AMPD2: variants seen among roughly 807,000 people sequenced by gnomAD.
AMPD2 encodes the protein adenosine monophosphate deaminase 2.
A neutral mutation model predicts 91.3 loss-of-function variants in AMPD2; 52 were observed. The observed-to-expected ratio is 0.57, with a 90% CI of 0.46 to 0.72. The LOEUF (loss-of-function observed/expected upper bound fraction) is 0.72. Among genes scored for constraint, AMPD2 ranks in the 30% least tolerant of loss-of-function variants. AMPD2 has a pLI of 0.00. For synonymous variants in AMPD2, 455 were observed against 456.4 expected (o/e 1.00, Z 0.04); for missense variants, 822 against 1,122.3 (o/e 0.73, Z 3.82).
intron 2 of AMPD2, 82 bp downstream of exon 2, chr1:109,621,348 G>A: frequency 6.8e-7 from 1 of 1,470,172 alleles, no homozygotes. Context: ...TCCCCTCAGA[G>A]GGGGCCACCT....
intron 2 of AMPD2, among the ~76,000 whole-genome samples, chr1:109,622,747 A>AC (rs999930264): frequency 6.6e-6 from 1 of 150,994 alleles, no homozygotes; most frequent in African/African-American, 2.4e-5. Flanking sequence ...GGAGCCTGAG[A>AC]CCCCCCTGCT....
At position 109,628,711 on chromosome 1, in the gene AMPD2, C is replaced by T. The variant is rs1420686033; in HGVS notation, c.1476C>T (p.Arg492=). The change falls in exon 13 of 19, where the codon CGC becomes CGT. Residue 492 remains arginine, a synonymous_variant. Coordinates refer to ENST00000528667, the MANE Select transcript of AMPD2 (RefSeq NM_001368809.2). The surrounding 1 kb of genome is among the most constrained non-coding windows in gnomAD (Gnocchi z 7.1). ...AGCTGCGGCTCTCCATTTACGGGCGCTCGAGGGATGAGTGGGACAAGCTGG... is the reference window on the plus strand; with the variant it reads ...AGCTGCGGCTCTCCATTTACGGGCGTTCGAGGGATGAGTGGGACAAGCTGG... ...NAELRLSIYG[R]SRDEWDKLAR... The T allele has an allele frequency of 3.1e-6, 5 of 1,612,968 alleles. No individual in the cohort carries two copies. Among genetic ancestry groups the T allele is most frequent in the Non-Finnish European group, 3.4e-6 (4 of 1,179,556 alleles).
In AMPD2 at chr1:109,626,313, C is replaced by T; in HGVS notation, c.423-6C>T. ...TAAACCCCTCCCTTGAATGCACCCCCTGCAGGCTCTACAAGGAACAGGGTG... is the reference window on the plus strand; with the variant it reads ...TAAACCCCTCCCTTGAATGCACCCCTTGCAGGCTCTACAAGGAACAGGGTG... On this transcript the variant is annotated splice_region_variant and splice_polypyrimidine_tract_variant and intron_variant, in intron 5 of 18. Transcript: ENST00000528667. 1 of 1,613,702 alleles carries T rather than the reference C, an allele frequency of 6.2e-7. No homozygotes were observed. Among genetic ancestry groups the T allele is most frequent in the Non-Finnish European group, 8.5e-7 (1 of 1,179,724 alleles).
Position 109,631,180 on chromosome 1 carries a change from C to A in AMPD2, c.*28C>A. 3 of 1,551,700 alleles carry A rather than the reference C, an allele frequency of 1.9e-6. No individual in the cohort carries two copies. Among genetic ancestry groups the A allele is most frequent in the Non-Finnish European group, 2.6e-6 (3 of 1,145,034 alleles). On this transcript the variant is annotated 3_prime_UTR_variant, in exon 19 of 19. Coordinates refer to ENST00000528667, the MANE Select transcript of AMPD2 (RefSeq NM_001368809.2). ...CTGGTCCATGAAGTGCCCACCACAT[C>A]GCAGCACTTTTACCACGTTTTGTCC...
intron 6 of AMPD2, 43 bp from the exon 7 acceptor site, chr1:109,626,683 G>T: frequency 6.3e-7 from 1 of 1,582,236 alleles, no homozygotes; most frequent in Non-Finnish European, 8.6e-7. Flanking sequence ...GGAGGTCTCT[G>T]AGTCCAAGAC....
chr1:109,625,238 C>A lies in AMPD2; in HGVS notation c.92-65C>A. 8 of 1,582,050 alleles carry A rather than the reference C, an allele frequency of 5.1e-6. No individual in the cohort carries two copies. The South Asian group carries it at 8.0e-5, about 16-fold the overall frequency. Reference sequence around the variant, plus strand: ...CTCTCGGGAGCTGGCCTAGGCAGGGCAGGGGCCCAGGGCTTTCAGGGGCTG... The same window carrying A: ...CTCTCGGGAGCTGGCCTAGGCAGGGAAGGGGCCCAGGGCTTTCAGGGGCTG... On this transcript the variant is annotated intron_variant, in intron 2 of 18. Coordinates refer to ENST00000528667, the MANE Select transcript of AMPD2 (RefSeq NM_001368809.2). This position sits in a 1 kb window ranked among gnomAD's most constrained non-coding sequence, Gnocchi z 4.0.
In AMPD2 at chr1:109,630,976, A is replaced by C. The variant is rs537673580; in HGVS notation, c.2302A>C (p.Lys768Gln). 3.5e-5 allele frequency: 57 copies of C among 1,614,086 alleles called. No homozygotes were observed. Among genetic ancestry groups the C allele is most frequent in the Non-Finnish European group, 2.8e-5 (33 of 1,180,016 alleles). The change falls in exon 19 of 19, where the codon AAG becomes CAG. Residue 768 changes from lysine (K) to glutamine (Q), a missense_variant. This residue lies in a region of AMPD2 where 430 missense variants were observed against 606.0 expected (regional missense o/e 0.71). Coordinates refer to ENST00000528667, the MANE Select transcript of AMPD2 (RefSeq NM_001368809.2). The part of the protein sequence containing the change: ...KSHWLGPNYT[K>Q]EGPEGNDIRR... ...CCACTGGCTGGGACCCAACTATACC[A>C]AGGAAGGCCCTGAGGGGAATGACAT...
At position 109,631,172 on chromosome 1, in the gene AMPD2, C is replaced by CACCA. The variant is rs140170547; in HGVS notation, c.*21_*24dup. ...CAATGAGCCTGGTCCATGAAGTGCC[C>CACCA]ACCACATCGCAGCACTTTTACCACG... On this transcript the variant is annotated 3_prime_UTR_variant, in exon 19 of 19. Transcript: ENST00000528667. 6.5e-4 allele frequency: 1,018 copies of CACCA among 1,557,748 alleles called. 7 individuals carry two copies. The African/African-American group carries it at 9.0e-3, about 14-fold the overall frequency.
At chr1:109,623,580 G>C (rs776791816) in intron 2 of AMPD2, among the ~76,000 whole-genome samples, 4 of 152,176 alleles carry the variant, frequency 2.6e-5, no homozygotes, top group Non-Finnish European at 4.4e-5. Context: ...GCCATAATCA[G>C]GGCCCAGAGG....
At chr1:109,629,708 A>T in intron 15 of AMPD2, 88 bp from the exon 16 acceptor site, 1 of 1,486,290 alleles carries the variant, frequency 6.7e-7, no homozygotes, top group Non-Finnish European at 8.9e-7. Context: ...TGGCTGGAGG[A>T]CATATGCGTG....
At chr1:109,627,341 G>T in intron 8 of AMPD2, 25 bp downstream of exon 8, 10 of 1,610,852 alleles carry the variant, frequency 6.2e-6, no homozygotes, top group South Asian at 3.3e-5. Context: ...GTGCATGTTG[G>T]GGGGATGCAG....
In AMPD2 at chr1:109,625,583, T is replaced by G. The variant is rs1337392761; in HGVS notation, c.223-79T>G. On this transcript the variant is annotated intron_variant, in intron 3 of 18. Coordinates refer to ENST00000528667, the MANE Select transcript of AMPD2 (RefSeq NM_001368809.2). This position sits in a 1 kb window ranked among gnomAD's most constrained non-coding sequence, Gnocchi z 4.0. ...CCAGGTACCCCTGGTCCTGCTGCCC[T>G]CACCCCATCCCCAGACTCTGTAGGA... The G allele has an allele frequency of 1.9e-6, 3 of 1,599,848 alleles. No homozygotes were observed. Among genetic ancestry groups the G allele is most frequent in the Non-Finnish European group, 1.7e-6 (2 of 1,169,720 alleles).
rs1650908635 is a variant in AMPD2, at chr1:109,628,429, C to T, written c.1341C>T (p.Val447=). 1.2e-6 allele frequency: 2 copies of T among 1,613,812 alleles called. No individual in the cohort carries two copies. Among genetic ancestry groups the T allele is most frequent in the Non-Finnish European group, 1.7e-6 (2 of 1,180,038 alleles). Residue 447 remains valine (V), a synonymous_variant, in exon 12 of 19, where the codon GTC becomes GTT. Transcript: ENST00000528667. The surrounding 1 kb of genome is among the most constrained non-coding windows in gnomAD (Gnocchi z 7.1). Reference sequence around the variant, plus strand: ...AATACAACCCTATTGGGGAGTCCGTCCTCCGAGAGATCTTCATCAAGACGG... The same window carrying T: ...AATACAACCCTATTGGGGAGTCCGTTCTCCGAGAGATCTTCATCAAGACGG... The part of the protein sequence containing the change: ...NAKYNPIGES[V]LREIFIKTDN...
rs746332433 is a variant in AMPD2, at chr1:109,627,794, G to T, written c.971G>T (p.Arg324Leu). 2 of 1,613,948 alleles carry T rather than the reference G, an allele frequency of 1.2e-6. No homozygotes were observed. The highest frequency in any genetic ancestry group is 1.7e-6 in the Non-Finnish European group (2 of 1,179,970). Reference sequence around the variant, plus strand: ...CCCAGAAAGTCATTCTGCTACCGCCGGCTGCAGTACCTGAGCTCCAAGTTC... The same window carrying T: ...CCCAGAAAGTCATTCTGCTACCGCCTGCTGCAGTACCTGAGCTCCAAGTTC... ...NGPIKSFCYR[R>L]LQYLSSKFQM... Residue 324 changes from arginine to leucine, a missense_variant, in exon 10 of 19, where the codon CGG becomes CTG. This residue lies in a region of AMPD2 where 37 missense variants were observed against 84.8 expected (regional missense o/e 0.44). Transcript: ENST00000528667.
intron 17 of AMPD2, 92 bp from the exon 18 acceptor site, chr1:109,630,591 C>A (rs978474133): frequency 1.2e-5 from 2 of 169,202 alleles, no homozygotes; most frequent in Admixed American, 2.6e-4. Flanking sequence ...GATGGGGGGG[C>A]GGGGGTGGGG....
In AMPD2 at chr1:109,630,463, G is replaced by A. The variant is rs767611162; in HGVS notation, c.2157+57G>A. The A allele has an allele frequency of 2.6e-6, 4 of 1,527,348 alleles. No homozygotes were observed. In the Admixed American group the frequency reaches 5.1e-5, roughly 19 times the overall value. 94.6% of individuals were successfully genotyped at this position (1,527,348 alleles called of 1,614,324 possible). A position where few individuals can be genotyped will look rare whatever the true frequency, so the allele number is the denominator to read the frequency against. On this transcript the variant is annotated intron_variant, in intron 17 of 18. Transcript: ENST00000528667. ...GCGTCCCAGGACGCTGGGGTCTCCC[G>A]GGTTGGGTGGGGGGCGGTGGGGGGG...
Position 109,627,183 on chromosome 1 carries a change from G to A in AMPD2, c.727G>A (p.Val243Met). 2 of 1,613,136 alleles carry A rather than the reference G, an allele frequency of 1.2e-6. No individual in the cohort carries two copies. The highest frequency in any genetic ancestry group is 1.7e-6 in the Non-Finnish European group (2 of 1,179,868). Reference protein sequence around the residue: ...PDTPVSADAPVHPPALEQHPY... With the variant: ...PDTPVSADAPMHPPALEQHPY... ...CCTCCTCACCCCTGCAGATGCCCCGGTGCACCCCCCTGCGCTGGAGCAGCA... is the reference window on the plus strand; with the variant it reads ...CCTCCTCACCCCTGCAGATGCCCCGATGCACCCCCCTGCGCTGGAGCAGCA... Residue 243 changes from valine to methionine, a missense_variant, in exon 8 of 19, where the codon GTG (valine) becomes ATG (methionine). This residue lies in a region of AMPD2 where 240 missense variants were observed against 270.3 expected (regional missense o/e 0.89). Coordinates refer to ENST00000528667, the MANE Select transcript of AMPD2 (RefSeq NM_001368809.2).
chr1:109,629,305 T>C, intron 14 of AMPD2, 22 bp from the exon 15 acceptor site: 2 of 1,614,130 alleles, frequency 1.2e-6, no homozygotes, highest in Non-Finnish European at 1.7e-6. Context: ...GCTCTGGTTC[T>C]GACCCCAGGG....
rs1650609556 is a variant in AMPD2 at position 109,625,678 on chromosome 1, C to T, written c.239C>T (p.Ser80Leu). Reference sequence around the variant, plus strand: ...TCCCCCCAGGAGCTGTTCACCCGCTCACTGGCTGAGAGCGAGCTCCGTAGT... The same window carrying T: ...TCCCCCCAGGAGCTGTTCACCCGCTTACTGGCTGAGAGCGAGCTCCGTAGT... ...KEIAEELFTRSLAESELRSAP... is the reference protein window; with the variant it reads ...KEIAEELFTRLLAESELRSAP... Residue 80 changes from serine (S) to leucine (L), a missense_variant, in exon 4 of 19, where the codon TCA (serine) becomes TTA (leucine). By Grantham distance (145) the Ser-to-Leu change is moderately radical. Transcript: ENST00000528667. This position sits in a 1 kb window ranked among gnomAD's most constrained non-coding sequence, Gnocchi z 4.0. 3.7e-6 allele frequency: 6 copies of T among 1,614,032 alleles called. No homozygotes were observed. In the Admixed American group the frequency reaches 5.0e-5, roughly 13 times the overall value.
Sources: gnomAD v4.1 joint callset for allele counts (sites outside exome capture counted in the v4.1 genomes callset) on GRCh38, gnomAD v4.1.1 for gene constraint, gnomAD v4.1.1 regional missense constraint, Gnocchi (gnomAD v3.1) non-coding constraint, MANE v1.5 for transcripts, NCBI Gene and HGNC (gene_info 2026-07-23, HGNC 2026-07-21) for gene names.